ADCK1: variants seen among roughly 807,000 people sequenced by gnomAD.
ADCK1 encodes the protein aarF domain-containing protein kinase 1.
Under a neutral mutation model 52.3 loss-of-function variants are expected in ADCK1, and 41 were observed. The observed-to-expected ratio is 0.78, with a 90% CI of 0.61 to 1.02. The LOEUF (loss-of-function observed/expected upper bound fraction) is 1.02, where lower values mean the gene tolerates loss of function less well. Ranked by LOEUF, ADCK1 falls within the 50% of genes least tolerant of loss-of-function variation. The probability of loss-of-function intolerance (pLI) is 0.00; values close to 1 mark genes in which losing one functional copy is unlikely to be tolerated. For missense variants in ADCK1, 658 were observed against 679.5 expected, an observed-to-expected ratio of 0.97 and a Z score of 0.35; for synonymous variants, 250 against 274.6, an observed-to-expected ratio of 0.91 and a Z score of 0.89.
At chr14:77,814,462 A>T (rs2081400415) in intron 1 of ADCK1, among the ~76,000 whole-genome samples, 1 of 150,786 alleles carries the variant, frequency 6.6e-6, no homozygotes, top group South Asian at 2.1e-4. Flanking sequence ...CTTTCTGAGC[A>T]TGGTAGCTCA....
At chr14:77,918,122 G>C (rs900178569) in intron 7 of ADCK1, among the ~76,000 whole-genome samples, 6 of 152,200 alleles carry the variant, frequency 3.9e-5, no homozygotes, top group African/African-American at 1.4e-4. Context: ...ATCATTATTT[G>C]TCATGCTGGA....
At chr14:77,888,952 G>C (rs374086448) in intron 5 of ADCK1, among the ~76,000 whole-genome samples, 11 of 151,764 alleles carry the variant, frequency 7.2e-5, no homozygotes, top group Admixed American at 2.6e-4. Flanking sequence ...CACATGTTGT[G>C]GGGGGGGACC....
intron 3 of ADCK1, among the ~76,000 whole-genome samples, chr14:77,844,984 G>A (rs2082147174): frequency 6.6e-6 from 1 of 152,198 alleles, no homozygotes; most frequent in East Asian, 1.9e-4. Flanking sequence ...CAGAGGAGAG[G>A]CGCATATGCA....
intron 3 of ADCK1, among the ~76,000 whole-genome samples, chr14:77,838,300 A>C (rs530255196): frequency 2.6e-5 from 4 of 152,358 alleles, no homozygotes; most frequent in African/African-American, 9.6e-5. Flanking sequence ...TAACAGCAAG[A>C]CATATGTGAA....
intron 1 of ADCK1, among the ~76,000 whole-genome samples, chr14:77,803,257 G>A (rs1382370566): frequency 6.6e-6 from 1 of 152,098 alleles, no homozygotes; most frequent in Non-Finnish European, 1.5e-5. Flanking sequence ...CTAGGAAATG[G>A]GAGGAGGCCA....
Position 77,932,249 on chromosome 14 carries a change from G to A in ADCK1, c.1400+538G>A, listed in dbSNP as rs541868644. 4.6e-5 allele frequency among the ~76,000 whole-genome samples: 7 copies of A among 152,052 alleles called. No homozygotes were observed. In the South Asian group the frequency reaches 8.3e-4, roughly 18 times the overall value. ...TTTTTAGTAGAGACGGGGTTTCACC[G>A]TGTTGGCCAGGCTGGTCTTGAACTC... On this transcript the variant is annotated intron_variant, in intron 10 of 10. Coordinates refer to ENST00000238561, the MANE Select transcript of ADCK1 (RefSeq NM_020421.4).
chr14:77,890,660 C>G (rs966766283), intron 5 of ADCK1, among the ~76,000 whole-genome samples: 9 of 152,164 alleles, frequency 5.9e-5, no homozygotes, highest in Non-Finnish European at 1.2e-4. Context: ...GAGATCAAAT[C>G]AGTAAAGCAC....
At chr14:77,863,030 A>G (rs925913199) in intron 4 of ADCK1, among the ~76,000 whole-genome samples, 2 of 152,240 alleles carry the variant, frequency 1.3e-5, no homozygotes, top group Non-Finnish European at 2.9e-5. Context: ...AGGGACAGGA[A>G]AGCATAAAGC....
Position 77,822,480 on chromosome 14 carries a change from C to T in ADCK1, c.181C>T (p.Pro61Ser), listed in dbSNP as rs2081604363. 6.2e-7 allele frequency: 1 copy of T among 1,614,108 alleles called. No individual in the cohort carries two copies. The highest frequency in any genetic ancestry group is 8.5e-7 in the Non-Finnish European group (1 of 1,179,998). ...CTACCTCACTTCCCTGAAGAGTGTCCCTTATGGCTCAGAGGAGTACTTGCA... is the reference window on the plus strand; with the variant it reads ...CTACCTCACTTCCCTGAAGAGTGTCTCTTATGGCTCAGAGGAGTACTTGCA... ...YDYLTSLKSV[P>S]YGSEEYLQLR... is the part of the protein sequence containing the mutation. The change falls in exon 3 of 11, where the codon CCT becomes TCT. Residue 61 changes from proline (P) to serine (S), a missense_variant. Coordinates refer to ENST00000238561, the MANE Select transcript of ADCK1 (RefSeq NM_020421.4).
intron 3 of ADCK1, among the ~76,000 whole-genome samples, chr14:77,833,458 T>G (rs1379576547): frequency 2.0e-5 from 3 of 152,206 alleles, no homozygotes; most frequent in Non-Finnish European, 2.9e-5. Flanking sequence ...TCTCGGAGTT[T>G]GTGATAATTT....
chr14:77,841,864 A>AAG (rs2082075693), intron 3 of ADCK1, among the ~76,000 whole-genome samples: 1 of 144,970 alleles, frequency 6.9e-6, no homozygotes, highest in Non-Finnish European at 1.5e-5. Context: ...AAAAAAAAAA[A>AAG]AAAAAATTTG....
At chr14:77,835,972 T>A (rs145651953) in intron 3 of ADCK1, among the ~76,000 whole-genome samples, 186 of 152,342 alleles carry the variant, frequency 1.2e-3, no homozygotes, top group African/African-American at 4.4e-3. Flanking sequence ...CTCCTACTAA[T>A]GGGTATCTCC....
intron 4 of ADCK1, among the ~76,000 whole-genome samples, chr14:77,875,368 C>T (rs2082875729): frequency 1.3e-5 from 2 of 152,076 alleles, no homozygotes; most frequent in South Asian, 4.2e-4. Flanking sequence ...GCATAGTTGC[C>T]TCCTCTTTCC....
At chr14:77,890,174 C>G (rs1027957905) in intron 5 of ADCK1, among the ~76,000 whole-genome samples, 1 of 152,188 alleles carries the variant, frequency 6.6e-6, no homozygotes, top group African/African-American at 2.4e-5. Context: ...GCAGTTTGGC[C>G]GGGGCTTGGT....
At chr14:77,870,113 T>C (rs1378025145) in intron 4 of ADCK1, among the ~76,000 whole-genome samples, 1 of 152,246 alleles carries the variant, frequency 6.6e-6, no homozygotes, top group Non-Finnish European at 1.5e-5. Flanking sequence ...TTATGTAGTG[T>C]GCATTGGCTG....
At chr14:77,874,086 C>G (rs1043744022) in intron 4 of ADCK1, among the ~76,000 whole-genome samples, 3 of 152,228 alleles carry the variant, frequency 2.0e-5, no homozygotes, top group Non-Finnish European at 4.4e-5. Context: ...TGGGACTAGA[C>G]TGCCCCCCAT....
At chr14:77,891,011 C>T (rs546319841) in intron 5 of ADCK1, among the ~76,000 whole-genome samples, 4 of 152,072 alleles carry the variant, frequency 2.6e-5, no homozygotes, top group East Asian at 1.9e-4. Flanking sequence ...GCCTTTGTTT[C>T]GAGCCCAGTG....
chr14:77,808,887 T>C (rs569621826), intron 1 of ADCK1, among the ~76,000 whole-genome samples: 2 of 152,332 alleles, frequency 1.3e-5, no homozygotes, highest in Non-Finnish European at 2.9e-5. Flanking sequence ...ACTGCAGTTA[T>C]TTATTCATTT....
intron 7 of ADCK1, among the ~76,000 whole-genome samples, chr14:77,921,017 A>G (rs1472953689): frequency 6.6e-6 from 1 of 150,478 alleles, no homozygotes; most frequent in Non-Finnish European, 1.5e-5. Flanking sequence ...GATAGTGGGT[A>G]TGTATTTTTT....
Sources: gnomAD v4.1 joint callset for allele counts (sites outside exome capture counted in the v4.1 genomes callset) on GRCh38, gnomAD v4.1.1 for gene constraint, MANE v1.5 for transcripts, NCBI Gene and HGNC (gene_info 2026-07-23, HGNC 2026-07-21) for gene names.